ERBB3: variants seen among roughly 807,000 people sequenced by gnomAD.
ERBB3 encodes receptor tyrosine-protein kinase erbB-3.
Under a neutral mutation model 156.7 loss-of-function variants are expected in ERBB3, and 96 were observed. That is an observed-to-expected ratio of 0.61 (90% CI 0.52 to 0.73). ERBB3 has a LOEUF of 0.73. ERBB3 is among the 30% of genes least tolerant of loss of function. The pLI, the probability that ERBB3 is intolerant of heterozygous loss-of-function variation, is 0.00. For missense variants in ERBB3, 1,406 were observed against 1,709.4 expected, an observed-to-expected ratio of 0.82 and a Z score of 3.13; for synonymous variants, 567 against 632.0, an observed-to-expected ratio of 0.90 and a Z score of 1.54.
At chr12:56,089,344 C>T (rs929074380) in intron 9 of ERBB3, among the ~76,000 whole-genome samples, 1 of 152,054 alleles carries the variant, frequency 6.6e-6, no homozygotes, top group Non-Finnish European at 1.5e-5. Context: ...TGATCTCGAA[C>T]TCCTGTGCTC....
chr12:56,101,794 A>C lies in ERBB3; in HGVS notation c.3768A>C (p.Pro1256=). The change falls in exon 28 of 28, where the codon CCA becomes CCC. Residue 1256 remains proline, a synonymous_variant. Coordinates refer to ENST00000267101, the MANE Select transcript of ERBB3 (RefSeq NM_001982.4). ...TCATGCCCACTGCAGGCACAACTCCAGATGAAGACTATGAATATATGAATC... is the reference window on the plus strand; with the variant it reads ...TCATGCCCACTGCAGGCACAACTCCCGATGAAGACTATGAATATATGAATC... ...VPIMPTAGTT[P]DEDYEYMNRQ... 1 of 1,613,534 alleles carries C rather than the reference A, an allele frequency of 6.2e-7. No individual in the cohort carries two copies. Among genetic ancestry groups the C allele is most frequent in the South Asian group, 1.1e-5 (1 of 91,058 alleles).
intron 23 of ERBB3, 119 bp from the exon 24 acceptor site, chr12:56,099,529 C>T (rs1869016045): frequency 1.2e-6 from 1 of 816,358 alleles, no homozygotes; most frequent in African/African-American, 1.7e-5. Context: ...AAAGTCCCGA[C>T]CTCAGGTGAT....
Position 56,083,765 on chromosome 12 carries a change from C to T in ERBB3, c.97C>T (p.Leu33=), listed in dbSNP as rs770120793. The T allele has an allele frequency of 3.1e-6, 5 of 1,614,140 alleles. No homozygotes were observed. The Admixed American group carries it at 8.3e-5, about 27-fold the overall frequency. The part of the protein sequence containing the change: ...GNSQAVCPGT[L]NGLSVTGDAE... ...GCTTTGAACAGTGTGTCCTGGGACT[C>T]TGAATGGCCTGAGTGTGACCGGCGA... The change falls in exon 2 of 28, where the codon CTG becomes TTG. Residue 33 remains leucine (L), a synonymous_variant. Coordinates refer to ENST00000267101, the MANE Select transcript of ERBB3 (RefSeq NM_001982.4).
At position 56,086,630 on chromosome 12, in the gene ERBB3, T is replaced by TG; in HGVS notation, c.521_522insG (p.Ile174MetfsTer15). Reference sequence around the variant, plus strand: ...ATCGTGAGGGACCGAGATGCTGAGATAGTGGTGAAGGACAATGGCAGAAGC... The same window carrying TG: ...ATCGTGAGGGACCGAGATGCTGAGATGAGTGGTGAAGGACAATGGCAGAAGC... On this transcript the variant is annotated frameshift_variant, in exon 4 of 28. Coordinates refer to ENST00000267101, the MANE Select transcript of ERBB3 (RefSeq NM_001982.4). LOFTEE classifies it high-confidence loss of function. 6.2e-7 allele frequency: 1 copy of TG among 1,614,066 alleles called. No individual in the cohort carries two copies. Among genetic ancestry groups the TG allele is most frequent in the Non-Finnish European group, 8.5e-7 (1 of 1,179,990 alleles).
At chr12:56,100,964 A>T in intron 26 of ERBB3, 97 bp from the exon 27 acceptor site, 15 of 712,796 alleles carry the variant, frequency 2.1e-5, no homozygotes, top group Non-Finnish European at 3.4e-5. Context: ...AAAAAAAAAA[A>T]GGCAGTGAAC....
chr12:56,087,277 T>A (rs1868517319), intron 4 of ERBB3, among the ~76,000 whole-genome samples: 1 of 152,178 alleles, frequency 6.6e-6, no homozygotes, highest in African/African-American at 2.4e-5. Flanking sequence ...CATATATTCC[T>A]GCATATATTC....
intron 2 of ERBB3, 34 bp from the exon 3 acceptor site, chr12:56,084,961 G>T: frequency 1.2e-6 from 2 of 1,613,766 alleles, no homozygotes; most frequent in Non-Finnish European, 1.7e-6. Flanking sequence ...TTGCCCTGTT[G>T]TCTCTCTCAT....
In ERBB3 at chr12:56,088,647, T is replaced by C. The variant is rs975034342; in HGVS notation, c.979T>C (p.Cys327Arg). 13 of 1,613,708 alleles carry C rather than the reference T, an allele frequency of 8.1e-6. No homozygotes were observed. Among genetic ancestry groups the C allele is most frequent in the Non-Finnish European group, 1.1e-5 (13 of 1,179,604 alleles). ...LKMCEPCGGL[C>R]PKACEGTGSG... Reference sequence around the variant, plus strand: ...GATGTGTGAGCCTTGTGGGGGACTATGTCCCAAAGGTGGGTAGGAGATGGT... The same window carrying C: ...GATGTGTGAGCCTTGTGGGGGACTACGTCCCAAAGGTGGGTAGGAGATGGT... The change falls in exon 8 of 28, where the codon TGT (cysteine) becomes CGT (arginine). Residue 327 changes from cysteine to arginine, a missense_variant. Physicochemically the swap from Cys to Arg is radical, Grantham distance 180 (BLOSUM62 -3). Around this residue, in one of 3 missense-constraint regions of ERBB3, gnomAD observed 979 missense variants for 1,219.6 expected, o/e 0.80. Coordinates refer to ENST00000267101, the MANE Select transcript of ERBB3 (RefSeq NM_001982.4).
At position 56,094,186 on chromosome 12, in the gene ERBB3, C is replaced by G. The variant is rs1225521533; in HGVS notation, c.1701C>G (p.Gly567=). ...QPMEGTATCN[G]SGSDTCAQCA... ...TGGAGGGCACTGCCACATGCAATGG[C>G]TCGGTATACTAGTAGCACCAGGATC... The change falls in exon 14 of 28, where the codon GGC becomes GGG. Residue 567 remains glycine, a synonymous_variant. Coordinates refer to ENST00000267101, the MANE Select transcript of ERBB3 (RefSeq NM_001982.4). 2 of 1,612,304 alleles carry G rather than the reference C, an allele frequency of 1.2e-6. No individual in the cohort carries two copies. Among genetic ancestry groups the G allele is most frequent in the Admixed American group, 3.3e-5 (2 of 59,990 alleles).
intron 4 of ERBB3, among the ~76,000 whole-genome samples, chr12:56,086,950 T>C (rs1868505973): frequency 6.6e-6 from 1 of 151,926 alleles, no homozygotes; most frequent in Non-Finnish European, 1.5e-5. Context: ...AAGACCAGCC[T>C]GAGTAACATA....
At chr12:56,091,439 G>A (rs1413475259) in intron 9 of ERBB3, among the ~76,000 whole-genome samples, 3 of 108,586 alleles carry the variant, frequency 2.8e-5, no homozygotes, top group East Asian at 2.9e-4. Context: ...ACGGAGTCTC[G>A]CTCTTGTTGC....
At chr12:56,090,802 G>A (rs1443912304) in intron 9 of ERBB3, among the ~76,000 whole-genome samples, 1 of 151,920 alleles carries the variant, frequency 6.6e-6, no homozygotes, top group African/African-American at 2.4e-5. Flanking sequence ...ATATTTCAGC[G>A]TATATTCCTT....
At chr12:56,085,314 G>C (rs1021309032) in intron 3 of ERBB3, 133 bp downstream of exon 3, 2 of 1,561,792 alleles carry the variant, frequency 1.3e-6, no homozygotes, top group Non-Finnish European at 1.7e-6. Context: ...GCTGTCTAAA[G>C]GTCCATTGCT....
rs373454755 is a variant in ERBB3, at chr12:56,101,631, G to A, written c.3605G>A (p.Arg1202Gln). The A allele has an allele frequency of 6.8e-6, 11 of 1,613,818 alleles. No homozygotes were observed. Among genetic ancestry groups the A allele is most frequent in the African/African-American group, 5.3e-5 (4 of 74,820 alleles). The change falls in exon 28 of 28, where the codon CGG becomes CAG. Residue 1202 changes from arginine to glutamine, a missense_variant. Physicochemically the swap from Arg to Gln is conservative, Grantham distance 43. Around this residue, in one of 3 missense-constraint regions of ERBB3, gnomAD observed 415 missense variants for 454.1 expected, o/e 0.91. Coordinates refer to ENST00000267101, the MANE Select transcript of ERBB3 (RefSeq NM_001982.4). ...GATGAGGAGTATGAATACATGAACCGGAGGAGAAGGCACAGTCCACCTCAT... is the reference window on the plus strand; with the variant it reads ...GATGAGGAGTATGAATACATGAACCAGAGGAGAAGGCACAGTCCACCTCAT... The part of the protein sequence containing the change: ...DEDEEYEYMN[R>Q]RRRHSPPHPP...
At position 56,080,204 on chromosome 12, in the gene ERBB3, C is replaced by A; in HGVS notation, c.-97C>A. On this transcript the variant is annotated 5_prime_UTR_variant, in exon 1 of 28. Coordinates refer to ENST00000267101, the MANE Select transcript of ERBB3 (RefSeq NM_001982.4). ...CCGCTGCCGTCGCCGCAGCAGCCACCAATTCGCCAGCGGTTCAGGTGGCTC... is the reference window on the plus strand; with the variant it reads ...CCGCTGCCGTCGCCGCAGCAGCCACAAATTCGCCAGCGGTTCAGGTGGCTC... 1 of 980,382 alleles carries A rather than the reference C, an allele frequency of 1.0e-6. No homozygotes were observed. Among genetic ancestry groups the A allele is most frequent in the Non-Finnish European group, 1.6e-6 (1 of 635,354 alleles). The allele number at this position is 980,382 out of a possible 1,614,324, so 60.7% of individuals were successfully genotyped here.
chr12:56,082,120 T>C (rs1174476182), intron 1 of ERBB3, among the ~76,000 whole-genome samples: 1 of 152,102 alleles, frequency 6.6e-6, no homozygotes, highest in East Asian at 1.9e-4. Context: ...CACAAACACT[T>C]ATGGGCACGT....
chr12:56,088,857 C>T lies in ERBB3; in HGVS notation c.1098C>T (p.Thr366=), dbSNP rs747748100. 45 of 1,614,038 alleles carry T rather than the reference C, an allele frequency of 2.8e-5. No individual in the cohort carries two copies. The East Asian group carries it at 4.7e-4, about 17-fold the overall frequency. The change falls in exon 9 of 28, where the codon ACC becomes ACT. Residue 366 remains threonine, a synonymous_variant. Coordinates refer to ENST00000267101, the MANE Select transcript of ERBB3 (RefSeq NM_001982.4). ...KILGNLDFLI[T]GLNGDPWHKI... Reference sequence around the variant, plus strand: ...TGGGCAACCTGGACTTTCTGATCACCGGCCTCAATGGGTTAGAGATCCTGC... The same window carrying T: ...TGGGCAACCTGGACTTTCTGATCACTGGCCTCAATGGGTTAGAGATCCTGC...
intron 1 of ERBB3, among the ~76,000 whole-genome samples, chr12:56,080,980 AGGCT>A (rs1868347001): frequency 6.6e-6 from 1 of 152,176 alleles, no homozygotes; most frequent in Non-Finnish European, 1.5e-5. Context: ...GGCCCAACAG[AGGCT>A]GGCGCCCCCT....
In ERBB3 at chr12:56,097,845, C is replaced by A; in HGVS notation, c.2521C>A (p.Leu841Ile). Residue 841 changes from leucine (L) to isoleucine (I), a missense_variant, in exon 21 of 28, where the codon CTA becomes ATA. Around this residue, in one of 3 missense-constraint regions of ERBB3, gnomAD observed 979 missense variants for 1,219.6 expected, o/e 0.80. Coordinates refer to ENST00000267101, the MANE Select transcript of ERBB3 (RefSeq NM_001982.4). ...VHRNLAARNV[L>I]LKSPSQVQVA... ...TAGAAACCTGGCTGCCCGAAACGTG[C>A]TACTCAAGTCACCCAGTCAGGTTCA... is the stretch of plus-strand genomic sequence containing the variant. 4 of 1,614,020 alleles carry A rather than the reference C, an allele frequency of 2.5e-6. No homozygotes were observed. Among genetic ancestry groups the A allele is most frequent in the Non-Finnish European group, 2.5e-6 (3 of 1,180,002 alleles).
Sources: gnomAD v4.1 joint callset for allele counts (sites outside exome capture counted in the v4.1 genomes callset) on GRCh38, gnomAD v4.1.1 for gene constraint, gnomAD v4.1.1 regional missense constraint, MANE v1.5 for transcripts, NCBI Gene and HGNC (gene_info 2026-07-23, HGNC 2026-07-21) for gene names.